NAALADL2: variants seen among roughly 807,000 people sequenced by gnomAD.
NAALADL2 encodes the protein inactive N-acetylated-alpha-linked acidic dipeptidase-like protein 2.
A neutral mutation model predicts 87.2 loss-of-function variants in NAALADL2; 76 were observed. The observed-to-expected ratio is 0.87, with a 90% CI of 0.72 to 1.05. The LOEUF (loss-of-function observed/expected upper bound fraction) is 1.05, where lower values mean the gene tolerates loss of function less well. Ranked by LOEUF, NAALADL2 falls within the 50% of genes least tolerant of loss-of-function variation. NAALADL2 has a pLI of 0.00. For missense variants in NAALADL2, 1,089 were observed against 945.8 expected (o/e 1.15, Z -1.99); for synonymous variants, 354 against 331.0 (o/e 1.07, Z -0.75).
chr3:174,628,796 A>G (rs1463246715), intron 2 of NAALADL2, among the ~76,000 whole-genome samples: 1 of 152,148 alleles, frequency 6.6e-6, no homozygotes, highest in Admixed American at 6.5e-5. Context: ...GATTTTCCCT[A>G]TAAGCATATT....
At chr3:174,679,605 C>G (rs1388012755) in intron 2 of NAALADL2, among the ~76,000 whole-genome samples, 2 of 152,110 alleles carry the variant, frequency 1.3e-5, no homozygotes, top group Admixed American at 1.3e-4. Flanking sequence ...GCCAGTGGCA[C>G]CTTTGCCTGA....
rs188531426 is a variant in NAALADL2 at position 175,734,436 on chromosome 3, A to T, written c.1897-2870A>T. On this transcript the variant is annotated intron_variant, in intron 11 of 13. Transcript: ENST00000454872. ...GCTGGGCGTGGTGGTGGGCGCCTGT[A>T]GTCCCAGCTACTTGGGAGGGTGAGG... is the stretch of plus-strand genomic sequence containing the variant. 3.3e-3 allele frequency among the ~76,000 whole-genome samples: 507 copies of T among 152,222 alleles called. 3 individuals carry two copies. Among genetic ancestry groups the T allele is most frequent in the African/African-American group, 0.012 (490 of 41,536 alleles).
chr3:174,838,102 C>A (rs1470197871), intron 3 of NAALADL2, among the ~76,000 whole-genome samples: 1 of 147,222 alleles, frequency 6.8e-6, no homozygotes, highest in Non-Finnish European at 1.5e-5. Flanking sequence ...TAACAAAATA[C>A]TAGCTAACAG....
chr3:174,738,640 G>C (rs868669997), intron 3 of NAALADL2, among the ~76,000 whole-genome samples: 8 of 152,206 alleles, frequency 5.3e-5, no homozygotes, highest in Admixed American at 3.3e-4. Context: ...GGGTAGAGAG[G>C]GGGGAGGGTT....
At chr3:174,906,670 A>G (rs1733004520) in intron 1 of NAALADL2, among the ~76,000 whole-genome samples, 1 of 152,118 alleles carries the variant, frequency 6.6e-6, no homozygotes, top group South Asian at 2.1e-4. Flanking sequence ...GCTTCATATA[A>G]GACCACAGCT....
At chr3:175,747,874 G>T (rs1746131040) in intron 12 of NAALADL2, among the ~76,000 whole-genome samples, 1 of 152,112 alleles carries the variant, frequency 6.6e-6, no homozygotes, top group South Asian at 2.1e-4. Flanking sequence ...AGAGCCCATG[G>T]TTATATTTCT....
intron 1 of NAALADL2, among the ~76,000 whole-genome samples, chr3:174,534,945 A>G (rs938463558): frequency 6.6e-6 from 1 of 152,206 alleles, no homozygotes; most frequent in African/African-American, 2.4e-5. Flanking sequence ...TAAAAAATAT[A>G]TTGATTTAAC....
At chr3:174,520,068 T>G (rs1311027534) in intron 1 of NAALADL2, among the ~76,000 whole-genome samples, 1 of 152,160 alleles carries the variant, frequency 6.6e-6, no homozygotes, top group Non-Finnish European at 1.5e-5. Context: ...TTGTGGATGA[T>G]ATAAACAAAT....
chr3:175,500,425 G>A (rs565609479), intron 9 of NAALADL2, among the ~76,000 whole-genome samples: 29 of 151,966 alleles, frequency 1.9e-4, no homozygotes, highest in African/African-American at 6.8e-4. Flanking sequence ...ACATGGATAA[G>A]GGCCTTCTTT....
intron 2 of NAALADL2, among the ~76,000 whole-genome samples, chr3:174,605,450 G>T (rs112205818): frequency 2.0e-5 from 3 of 152,270 alleles, no homozygotes; most frequent in African/African-American, 7.2e-5. Context: ...TGGAAAATCG[G>T]GTCACTCCCA....
At chr3:175,125,433 T>C (rs1477329834) in intron 2 of NAALADL2, among the ~76,000 whole-genome samples, 1 of 152,020 alleles carries the variant, frequency 6.6e-6, no homozygotes. Context: ...GGGAGCCCTA[T>C]TGCACTAATC....
chr3:175,087,691 A>G (rs1719295899), intron 1 of NAALADL2, among the ~76,000 whole-genome samples: 1 of 152,084 alleles, frequency 6.6e-6, no homozygotes, highest in African/African-American at 2.4e-5. Context: ...TGCTTTGTTA[A>G]ACAGATGCTT....
chr3:175,022,780 TC>T (rs1381750312), intron 1 of NAALADL2, among the ~76,000 whole-genome samples: 2 of 152,210 alleles, frequency 1.3e-5, no homozygotes, highest in African/African-American at 4.8e-5. Context: ...TAATTCTTAC[TC>T]GAGAAAGACT....
At chr3:175,369,760 TC>T (rs1379000938) in intron 5 of NAALADL2, 5 of 152,124 alleles carry the variant, frequency 3.3e-5, no homozygotes, top group African/African-American at 9.6e-5. Context: ...TTTTTGAGGC[TC>T]AAAGTGAAGA....
chr3:175,452,829 T>C (rs1721776107), intron 6 of NAALADL2, among the ~76,000 whole-genome samples: 1 of 152,084 alleles, frequency 6.6e-6, no homozygotes. Context: ...TCAGGGATCT[T>C]AAATGGAGTG....
intron 9 of NAALADL2, among the ~76,000 whole-genome samples, chr3:175,525,403 C>G (rs889431034): frequency 6.6e-6 from 1 of 152,110 alleles, no homozygotes; most frequent in Non-Finnish European, 1.5e-5. Flanking sequence ...ATTTACTTAT[C>G]CATTCTCTGA....
At chr3:174,456,771 A>G (rs1715866983) in intron 1 of NAALADL2, among the ~76,000 whole-genome samples, 1 of 152,202 alleles carries the variant, frequency 6.6e-6, no homozygotes, top group Non-Finnish European at 1.5e-5. Context: ...AAACCCTGGA[A>G]CACAACCTAG....
At chr3:174,865,998 A>G (rs1202189295) in intron 1 of NAALADL2, among the ~76,000 whole-genome samples, 1 of 151,970 alleles carries the variant, frequency 6.6e-6, no homozygotes, top group Non-Finnish European at 1.5e-5. Context: ...TACAAAATAT[A>G]TGCCAGAACA....
At chr3:174,931,403 T>G (rs1422219004) in intron 1 of NAALADL2, among the ~76,000 whole-genome samples, 1 of 152,068 alleles carries the variant, frequency 6.6e-6, no homozygotes, top group African/African-American at 2.4e-5. Context: ...AAACATAAGA[T>G]GGGAACGATA....
Sources: gnomAD v4.1 joint callset for allele counts (sites outside exome capture counted in the v4.1 genomes callset) on GRCh38, gnomAD v4.1.1 for gene constraint, MANE v1.5 for transcripts, NCBI Gene and HGNC (gene_info 2026-07-23, HGNC 2026-07-21) for gene names.